ITM2C: variants seen among roughly 807,000 people sequenced by gnomAD.
ITM2C encodes the protein BRICHOS domain containing 2C.
Under a neutral mutation model 30.0 loss-of-function variants are expected in ITM2C, and 20 were observed. The observed-to-expected ratio is 0.67, with a 90% CI of 0.47 to 0.97. The LOEUF is 0.97. ITM2C is among the 50% of genes least tolerant of loss of function. The pLI is 0.00. For synonymous variants in ITM2C, 167 were observed against 156.4 expected, an observed-to-expected ratio of 1.07 and a Z score of -0.51; for missense variants, 366 against 371.9, an observed-to-expected ratio of 0.98 and a Z score of 0.13.
intron 3 of ITM2C, among the ~76,000 whole-genome samples, 158 bp from the exon 4 acceptor site, chr2:230,876,699 T>G (rs1222873694): frequency 6.6e-6 from 1 of 151,964 alleles, no homozygotes; most frequent in Non-Finnish European, 1.5e-5. Flanking sequence ...GTCAGGATGG[T>G]CTCGATCTCC....
chr2:230,866,559 G>C (rs547510899), intron 1 of ITM2C, among the ~76,000 whole-genome samples: 4 of 152,280 alleles, frequency 2.6e-5, no homozygotes, highest in African/African-American at 4.8e-5. Context: ...CAACCACCTA[G>C]GCGAGGTTGG....
chr2:230,878,698 G>C lies in ITM2C; in HGVS notation c.*599G>C, dbSNP rs1025743721. On this transcript the variant is annotated 3_prime_UTR_variant, in exon 6 of 6. Transcript: ENST00000326427. This position sits in a 1 kb window ranked among gnomAD's most constrained non-coding sequence, Gnocchi z 4.5. Reference sequence around the variant, plus strand: ...CCTTCAGCCCACCAGCAGGAGCTTGGAGTTTGGGGAGTGGGGATGAGTCCG... The same window carrying C: ...CCTTCAGCCCACCAGCAGGAGCTTGCAGTTTGGGGAGTGGGGATGAGTCCG... The C allele has an allele frequency of 1.3e-5, 2 of 153,060 alleles. No individual in the cohort carries two copies. Among genetic ancestry groups the C allele is most frequent in the African/African-American group, 4.8e-5 (2 of 41,460 alleles). The allele number at this position is 153,060 out of a possible 1,614,324, so 9.5% of individuals were successfully genotyped here. A position where few individuals can be genotyped will look rare whatever the true frequency, so the allele number is the denominator to read the frequency against.
At chr2:230,870,199 G>A (rs964425250) in intron 1 of ITM2C, among the ~76,000 whole-genome samples, 2 of 152,266 alleles carry the variant, frequency 1.3e-5, no homozygotes, top group Non-Finnish European at 2.9e-5. Flanking sequence ...CAAAGGGACA[G>A]TGAGGGTTCC....
upstream of ITM2C, chr2:230,864,743 A>AG (rs16841480): frequency 0.043 from 8,187 of 190,270 alleles, 223 homozygotes; most frequent in Middle Eastern, 0.068. This position sits in a 1 kb window ranked among gnomAD's most constrained non-coding sequence, Gnocchi z 4.3. Flanking sequence ...CGAGTGAGTG[A>AG]CTGTGCGAGC....
intron 1 of ITM2C, 73 bp from the exon 2 acceptor site, chr2:230,873,344 G>A (rs1322540162): frequency 7.1e-7 from 1 of 1,411,016 alleles, no homozygotes; most frequent in Non-Finnish European, 9.4e-7. Flanking sequence ...AGCAGGTGAA[G>A]CCTGACTTAG....
At position 230,873,536 on chromosome 2, in the gene ITM2C, C is replaced by T. The variant is rs1390994476; in HGVS notation, c.240C>T (p.Tyr80=). The T allele has an allele frequency of 6.2e-7, 1 of 1,609,004 alleles. No homozygotes were observed. The highest frequency in any genetic ancestry group is 8.5e-7 in the Non-Finnish European group (1 of 1,178,022). The change falls in exon 2 of 6, where the codon TAC becomes TAT. Residue 80 remains tyrosine, a synonymous_variant. Coordinates refer to ENST00000326427, the MANE Select transcript of ITM2C (RefSeq NM_030926.6). ...TCGTGTTCGCCTCTGTCTACATCTA[C>T]AGATACTTCTTCCTTGCGCAGGTGA... is the stretch of plus-strand genomic sequence containing the variant. The part of the protein sequence containing the change: ...MGLVFASVYI[Y]RYFFLAQLAR...
Position 230,878,137 on chromosome 2 carries a change from T to C in ITM2C, c.*38T>C, listed in dbSNP as rs1344269326. 1 of 1,457,730 alleles carries C rather than the reference T, an allele frequency of 6.9e-7. No individual in the cohort carries two copies. The highest frequency in any genetic ancestry group is 2.3e-5 in the East Asian group (1 of 42,702). 90.3% of individuals were successfully genotyped at this position (1,457,730 alleles called of 1,614,324 possible). A position where few individuals can be genotyped will look rare whatever the true frequency, so the allele number is the denominator to read the frequency against. On this transcript the variant is annotated 3_prime_UTR_variant, in exon 6 of 6. Coordinates refer to ENST00000326427, the MANE Select transcript of ITM2C (RefSeq NM_030926.6). This position sits in a 1 kb window ranked among gnomAD's most constrained non-coding sequence, Gnocchi z 4.5. ...CCAGAACCCCCTGCCGTGTTCCTCTTTTCTTCTTTCCGGCTGCTCTCTGGC... is the reference window on the plus strand; with the variant it reads ...CCAGAACCCCCTGCCGTGTTCCTCTCTTCTTCTTTCCGGCTGCTCTCTGGC...
chr2:230,873,273 T>C (rs1295061802), intron 1 of ITM2C, 144 bp from the exon 2 acceptor site: 4 of 741,842 alleles, frequency 5.4e-6, no homozygotes, highest in African/African-American at 1.8e-5. Context: ...GGGCCTTCCT[T>C]TCCCTTCTAG....
In ITM2C at chr2:230,871,710, T is replaced by C. The variant is rs1398249258; in HGVS notation, c.121-1707T>C. On this transcript the variant is annotated intron_variant, in intron 1 of 5. Transcript: ENST00000326427. ...AGGCTCCCTTGCGGGCAGACTTGAG[T>C]GTGAGGGTGCAGGACAGGCAGGGGC... Among the ~76,000 whole-genome samples the C allele has an allele frequency of 2.0e-5, 3 of 152,138 alleles. No individual in the cohort carries two copies. The South Asian group carries it at 6.2e-4, about 31-fold the overall frequency.
intron 2 of ITM2C, among the ~76,000 whole-genome samples, chr2:230,874,534 A>G (rs978996824): frequency 1.3e-5 from 2 of 151,792 alleles, no homozygotes; most frequent in African/African-American, 4.8e-5. Context: ...CCACACCCCA[A>G]TTCGTTGTGT....
In ITM2C at chr2:230,865,209, C is replaced by T. The variant is rs1696996405; in HGVS notation, c.120+64C>T. 7.5e-7 allele frequency: 1 copy of T among 1,325,774 alleles called. No individual in the cohort carries two copies. Among genetic ancestry groups the T allele is most frequent in the Non-Finnish European group, 9.7e-7 (1 of 1,031,136 alleles). The allele number at this position is 1,325,774 out of a possible 1,614,324, so 82.1% of individuals were successfully genotyped here. A position where few individuals can be genotyped will look rare whatever the true frequency, so the allele number is the denominator to read the frequency against. ...CCAGGCTCACGACCCAGGCGCGCCC[C>T]GTCGGCCCTGGGGACTGCCCGAGGC... On this transcript the variant is annotated intron_variant, in intron 1 of 5. Coordinates refer to ENST00000326427, the MANE Select transcript of ITM2C (RefSeq NM_030926.6). The surrounding 1 kb of genome is among the most constrained non-coding windows in gnomAD (Gnocchi z 6.8).
rs575053020 is a variant in ITM2C, at chr2:230,871,391, C to T, written c.121-2026C>T. Among the ~76,000 whole-genome samples, 15 of 152,364 alleles carry T rather than the reference C, an allele frequency of 9.8e-5. 1 individual carries two copies. The highest frequency in any genetic ancestry group is 8.3e-4 in the South Asian group (4 of 4,828). ...TGGTTCGATCCCTGGGAGATGCCAACGGAAGGTGTCACCCCCGTCTCTTGC... is the reference window on the plus strand; with the variant it reads ...TGGTTCGATCCCTGGGAGATGCCAATGGAAGGTGTCACCCCCGTCTCTTGC... On this transcript the variant is annotated intron_variant, in intron 1 of 5. Transcript: ENST00000326427.
chr2:230,875,254 G>A (rs1488728809), intron 2 of ITM2C, among the ~76,000 whole-genome samples: 1 of 152,162 alleles, frequency 6.6e-6, no homozygotes, highest in Admixed American at 6.5e-5. Flanking sequence ...CCCAGTCACC[G>A]ACTCAAGGAC....
At chr2:230,864,549 G>A (rs1451675120), upstream of ITM2C, 3 of 152,594 alleles carry the variant, frequency 2.0e-5, no homozygotes, top group Admixed American at 1.3e-4. The surrounding 1 kb of genome is among the most constrained non-coding windows in gnomAD (Gnocchi z 4.3). Flanking sequence ...AAGTGGGGCA[G>A]GAGAGACGGG....
intron 2 of ITM2C, among the ~76,000 whole-genome samples, chr2:230,874,853 C>G (rs1053709519): frequency 6.6e-6 from 1 of 152,154 alleles, no homozygotes; most frequent in African/African-American, 2.4e-5. Flanking sequence ...GGGATCACAC[C>G]AGGCTGCCTG....
intron 3 of ITM2C, among the ~76,000 whole-genome samples, chr2:230,876,215 C>G (rs1428817800): frequency 6.6e-6 from 1 of 152,156 alleles, no homozygotes; most frequent in African/African-American, 2.4e-5. Flanking sequence ...AATGGCTGGC[C>G]CTCACAGGTT....
chr2:230,869,144 T>C (rs956569213), intron 1 of ITM2C, among the ~76,000 whole-genome samples: 5 of 152,106 alleles, frequency 3.3e-5, no homozygotes, highest in African/African-American at 1.2e-4. Context: ...TCTCTCCAAG[T>C]TCCCTCTCCC....
chr2:230,877,016 C>T lies in ITM2C; in HGVS notation c.561+49C>T, dbSNP rs1302465766. On this transcript the variant is annotated intron_variant, in intron 4 of 5. Coordinates refer to ENST00000326427, the MANE Select transcript of ITM2C (RefSeq NM_030926.6). This position sits in a 1 kb window ranked among gnomAD's most constrained non-coding sequence, Gnocchi z 4.8. ...TCTGCAGCATCCTGTCCCTCCCTTG[C>T]CCCCTGTCTCATGGAGGCTAGGTCT... 6 of 1,272,518 alleles carry T rather than the reference C, an allele frequency of 4.7e-6. No individual in the cohort carries two copies. Among genetic ancestry groups the T allele is most frequent in the Non-Finnish European group, 5.7e-6 (5 of 872,016 alleles). 78.8% of individuals were successfully genotyped at this position (1,272,518 alleles called of 1,614,324 possible). A position where few individuals can be genotyped will look rare whatever the true frequency, so the allele number is the denominator to read the frequency against.
rs1697209790 is a variant in ITM2C, at chr2:230,873,266, C to A, written c.121-151C>A. The A allele has an allele frequency of 2.6e-5, 17 of 660,650 alleles. 1 individual carries two copies. The South Asian group carries it at 4.5e-4, about 17-fold the overall frequency. The allele number at this position is 660,650 out of a possible 1,614,324, so 40.9% of individuals were successfully genotyped here. On this transcript the variant is annotated intron_variant, in intron 1 of 5. Coordinates refer to ENST00000326427, the MANE Select transcript of ITM2C (RefSeq NM_030926.6). ...GACGAGTCCGGGTGACCCTGGTGGGCCTTCCTTTCCCTTCTAGGTGTCATC... is the reference window on the plus strand; with the variant it reads ...GACGAGTCCGGGTGACCCTGGTGGGACTTCCTTTCCCTTCTAGGTGTCATC...
Sources: gnomAD v4.1 joint callset for allele counts (sites outside exome capture counted in the v4.1 genomes callset) on GRCh38, gnomAD v4.1.1 for gene constraint, Gnocchi (gnomAD v3.1) non-coding constraint, MANE v1.5 for transcripts, NCBI Gene and HGNC (gene_info 2026-07-23, HGNC 2026-07-21) for gene names.